Variants in CCBE1 observed in about 807,000 individuals in gnomAD.
The protein encoded by CCBE1 is collagen and calcium-binding EGF domain-containing protein 1.
In CCBE1, 37 loss-of-function variants were observed where a neutral mutation model predicts 50.0. The ratio of observed to expected loss-of-function variants is 0.74; its 90% CI spans 0.57 to 0.97. CCBE1 has a LOEUF of 0.97. Ranked by LOEUF, CCBE1 falls within the 50% of genes least tolerant of loss-of-function variation. The pLI, the probability that CCBE1 is intolerant of heterozygous loss-of-function variation, is 0.00. For synonymous variants in CCBE1, 234 were observed against 203.7 expected, an observed-to-expected ratio of 1.15 and a Z score of -1.27; for missense variants, 538 against 523.8, an observed-to-expected ratio of 1.03 and a Z score of -0.26.
intron 2 of CCBE1, among the ~76,000 whole-genome samples, chr18:59,677,587 A>T (rs1039231095): frequency 3.3e-5 from 5 of 152,166 alleles, no homozygotes; most frequent in Non-Finnish European, 7.3e-5. Context: ...AAAATGTGAG[A>T]TCCAGGAAAC....
intron 2 of CCBE1, among the ~76,000 whole-genome samples, chr18:59,661,439 AT>A (rs1472362866): frequency 1.8e-4 from 28 of 151,912 alleles, no homozygotes; most frequent in Admixed American, 1.8e-3. Context: ...GATGCCAGAC[AT>A]TTAATTCTTG....
chr18:59,442,704 G>A (rs1910489773), intron 7 of CCBE1, among the ~76,000 whole-genome samples: 2 of 152,082 alleles, frequency 1.3e-5, no homozygotes, highest in Non-Finnish European at 1.5e-5. Context: ...TTCCAGCCTA[G>A]GCAACAGAAT....
chr18:59,635,343 T>C (rs775178761), intron 2 of CCBE1, among the ~76,000 whole-genome samples: 3 of 150,986 alleles, frequency 2.0e-5, no homozygotes, highest in Non-Finnish European at 4.4e-5. Context: ...TATGTCACCA[T>C]AGGACTTGCT....
At chr18:59,642,767 G>T (rs1208133741) in intron 2 of CCBE1, among the ~76,000 whole-genome samples, 3 of 151,924 alleles carry the variant, frequency 2.0e-5, no homozygotes, top group Admixed American at 6.6e-5. Context: ...GGCCAACGTG[G>T]TGAAACCCCA....
At chr18:59,514,617 T>C (rs1178483432) in intron 2 of CCBE1, among the ~76,000 whole-genome samples, 1 of 79,850 alleles carries the variant, frequency 1.3e-5, no homozygotes, top group Non-Finnish European at 3.7e-5. Flanking sequence ...CATGCTCTCC[T>C]GTTTTTTTTT....
At chr18:59,646,857 C>T (rs9966240) in intron 2 of CCBE1, among the ~76,000 whole-genome samples, 162 of 152,302 alleles carry the variant, frequency 1.1e-3, no homozygotes, top group African/African-American at 3.8e-3. Context: ...CACATGAACA[C>T]GGAACTTAAG....
chr18:59,554,747 G>A (rs1387444959), intron 2 of CCBE1, among the ~76,000 whole-genome samples: 1 of 152,176 alleles, frequency 6.6e-6, no homozygotes, highest in Non-Finnish European at 1.5e-5. Context: ...GTGAGAAGGT[G>A]GTTGAGAAAG....
At chr18:59,628,716 G>A (rs1410645045) in intron 2 of CCBE1, among the ~76,000 whole-genome samples, 1 of 152,148 alleles carries the variant, frequency 6.6e-6, no homozygotes, top group Non-Finnish European at 1.5e-5. Context: ...CCTCACCCGA[G>A]GACCCAGACC....
chr18:59,657,212 T>C (rs946048808), intron 2 of CCBE1, among the ~76,000 whole-genome samples: 5 of 152,182 alleles, frequency 3.3e-5, no homozygotes, highest in African/African-American at 1.2e-4. Flanking sequence ...ATCCAGCCAA[T>C]GAGACCTAGG....
chr18:59,616,782 C>T (rs1178817186), intron 2 of CCBE1, among the ~76,000 whole-genome samples: 2 of 152,186 alleles, frequency 1.3e-5, no homozygotes, highest in Admixed American at 6.5e-5. Context: ...ACACAATGGC[C>T]GCAATGTGGT....
In CCBE1 at chr18:59,606,113, A is replaced by G. The variant is rs188058275; in HGVS notation, c.212+90516T>C. Among the ~76,000 whole-genome samples the G allele has an allele frequency of 2.3e-3, 347 of 152,360 alleles. 4 individuals are homozygous for G. The highest frequency in any genetic ancestry group is 8.0e-3 in the African/African-American group (332 of 41,582). On this transcript the variant is annotated intron_variant, in intron 2 of 10. Coordinates refer to ENST00000439986, the MANE Select transcript of CCBE1 (RefSeq NM_133459.4). Reference sequence around the variant, plus strand: ...TTGTCAAAACAAGTCATGTTTTCTTAGTAATAACACGCTTAATTCTTAACT... The same window carrying G: ...TTGTCAAAACAAGTCATGTTTTCTTGGTAATAACACGCTTAATTCTTAACT...
chr18:59,627,358 T>C (rs1008506232), intron 2 of CCBE1, among the ~76,000 whole-genome samples: 1 of 152,256 alleles, frequency 6.6e-6, no homozygotes, highest in Non-Finnish European at 1.5e-5. Flanking sequence ...AACTGAGTTA[T>C]TTTGCCAAAG....
intron 2 of CCBE1, among the ~76,000 whole-genome samples, chr18:59,496,979 A>G (rs1913385347): frequency 6.6e-6 from 1 of 152,238 alleles, no homozygotes. Context: ...TGTAAATTAT[A>G]TATGAGCTTA....
At chr18:59,539,196 C>CAAAA (rs763047358) in intron 2 of CCBE1, among the ~76,000 whole-genome samples, 6 of 147,962 alleles carry the variant, frequency 4.1e-5, no homozygotes, top group African/African-American at 7.4e-5. Context: ...CACACACACA[C>CAAAA]ACACAAAAAA....
chr18:59,511,847 A>G (rs1914146289), intron 2 of CCBE1, among the ~76,000 whole-genome samples: 1 of 152,232 alleles, frequency 6.6e-6, no homozygotes, highest in South Asian at 2.1e-4. Context: ...GTTGAAAAGC[A>G]CAGGAACATG....
At chr18:59,626,821 A>G (rs575724196) in intron 2 of CCBE1, among the ~76,000 whole-genome samples, 11 of 152,344 alleles carry the variant, frequency 7.2e-5, no homozygotes, top group African/African-American at 2.6e-4. Context: ...CCCATTCTGC[A>G]GACAGGAAAA....
intron 2 of CCBE1, among the ~76,000 whole-genome samples, chr18:59,580,833 T>G (rs981905935): frequency 6.6e-6 from 1 of 152,194 alleles, no homozygotes; most frequent in South Asian, 2.1e-4. Context: ...GCCACACATC[T>G]GTGGGTGACT....
chr18:59,567,521 G>A (rs2052848084), intron 2 of CCBE1, among the ~76,000 whole-genome samples: 1 of 152,190 alleles, frequency 6.6e-6, no homozygotes, highest in Non-Finnish European at 1.5e-5. Flanking sequence ...AGACAGCGAT[G>A]GGAAGCAAAT....
At chr18:59,489,155 T>C (rs1912969227) in intron 2 of CCBE1, among the ~76,000 whole-genome samples, 1 of 152,240 alleles carries the variant, frequency 6.6e-6, no homozygotes, top group African/African-American at 2.4e-5. Flanking sequence ...TCCATCTCAA[T>C]GATTAAAGGC....
Sources: allele counts gnomAD v4.1 joint callset (sites outside exome capture counted in the v4.1 genomes callset), GRCh38; gene constraint gnomAD v4.1.1; transcripts MANE v1.5; gene names NCBI Gene and HGNC (gene_info 2026-07-23, HGNC 2026-07-21).